Variants in GALNT2 observed in about 807,000 individuals in gnomAD.
GALNT2 encodes UDP-GalNAc:polypeptide N-acetylgalactosaminyltransferase 2.
In GALNT2, 31 loss-of-function variants were observed where a neutral mutation model predicts 81.4. The ratio of observed to expected loss-of-function variants is 0.38; its 90% CI spans 0.29 to 0.51. The LOEUF is 0.51. Ranked by LOEUF, GALNT2 falls within the 20% of genes least tolerant of loss-of-function variation. The pLI is 0.87. For synonymous variants in GALNT2, 303 were observed against 287.4 expected (o/e 1.05, Z -0.55); for missense variants, 629 against 765.7 (o/e 0.82, Z 2.11).
At chr1:230,181,173 T>C (rs1233162357) in intron 2 of GALNT2, among the ~76,000 whole-genome samples, 1 of 152,216 alleles carries the variant, frequency 6.6e-6, no homozygotes, top group Non-Finnish European at 1.5e-5. Flanking sequence ...GCCTTGTTCC[T>C]GATCTTAGTG....
chr1:230,229,320 T>C (rs1664805566), intron 3 of GALNT2, among the ~76,000 whole-genome samples: 1 of 152,242 alleles, frequency 6.6e-6, no homozygotes, highest in African/African-American at 2.4e-5. Flanking sequence ...TCCAGTCAGC[T>C]CCTAAGCATA....
At position 230,089,579 on chromosome 1, in the gene GALNT2, C is replaced by T. The variant is rs965541404; in HGVS notation, c.126+22173C>T. On this transcript the variant is annotated intron_variant, in intron 1 of 15. Transcript: ENST00000366672. ...AAAACAGTAACTCTCCATTCTCCCT[C>T]CCTGCAGCCACTGGCGGCCAGGGTT... Among the ~76,000 whole-genome samples the T allele has an allele frequency of 3.9e-5, 6 of 152,228 alleles. No homozygotes were observed. In the South Asian group the frequency reaches 6.2e-4, roughly 16 times the overall value.
intron 2 of GALNT2, among the ~76,000 whole-genome samples, chr1:230,185,105 G>T (rs582233): frequency 0.45 from 67,547 of 151,764 alleles, 16,505 homozygotes; most frequent in East Asian, 0.7. Flanking sequence ...TTTCCATTTC[G>T]CTGCTTACAT....
intron 2 of GALNT2, among the ~76,000 whole-genome samples, chr1:230,182,307 G>A (rs1663185816): frequency 6.6e-6 from 1 of 151,686 alleles, no homozygotes; most frequent in Non-Finnish European, 1.5e-5. Flanking sequence ...GTTTTTTCAA[G>A]TAGAATCTTA....
In GALNT2 at chr1:230,275,859, T is replaced by C. The variant is rs1447434478; in HGVS notation, c.1560+1295T>C. On this transcript the variant is annotated intron_variant, in intron 15 of 15. Coordinates refer to ENST00000366672, the MANE Select transcript of GALNT2 (RefSeq NM_004481.5). The surrounding 1 kb of genome is among the most constrained non-coding windows in gnomAD (Gnocchi z 5.5). ...CATGTATATACATGCCACATAGATA[T>C]ACATATATAAATGCCACAGATATAT... Among the ~76,000 whole-genome samples the C allele has an allele frequency of 1.3e-5, 2 of 151,192 alleles. No homozygotes were observed. Among genetic ancestry groups the C allele is most frequent in the Admixed American group, 6.6e-5 (1 of 15,142 alleles).
intron 9 of GALNT2, 111 bp downstream of exon 9, chr1:230,249,382 C>T (rs1665474429): frequency 1.2e-6 from 1 of 804,770 alleles, no homozygotes; most frequent in Non-Finnish European, 2.0e-6. Flanking sequence ...CACCTTCTGC[C>T]CTCCGGTTTC....
At chr1:230,082,995 G>C (rs1490582215) in intron 1 of GALNT2, among the ~76,000 whole-genome samples, 1 of 151,122 alleles carries the variant, frequency 6.6e-6, no homozygotes, top group Non-Finnish European at 1.5e-5. Flanking sequence ...GGATGAAACA[G>C]CAGGGAGCTG....
chr1:230,240,462 T>G (rs1460764908), intron 6 of GALNT2, among the ~76,000 whole-genome samples: 2 of 152,106 alleles, frequency 1.3e-5, no homozygotes, highest in East Asian at 1.9e-4. Flanking sequence ...CATGGTGGCA[T>G]GCGCCTGTAG....
At chr1:230,278,530 G>T (rs1445795348) in intron 15 of GALNT2, among the ~76,000 whole-genome samples, 3 of 152,128 alleles carry the variant, frequency 2.0e-5, no homozygotes, top group Non-Finnish European at 4.4e-5. Context: ...CGGGTATGTG[G>T]GTTGAGTTTG....
intron 1 of GALNT2, among the ~76,000 whole-genome samples, chr1:230,162,014 C>T (rs1259337750): frequency 6.6e-6 from 1 of 152,044 alleles, no homozygotes; most frequent in East Asian, 1.9e-4. Context: ...TAAGACTAAC[C>T]AGCAAAATTC....
At chr1:230,092,176 G>GTTTTTTTTTGTTTTTTTTTGTTTTTT (rs762299242) in intron 1 of GALNT2, 3 of 42,258 alleles carry the variant, frequency 7.1e-5, no homozygotes, top group South Asian at 8.9e-4. Context: ...TATTCCTTTA[G>GTTTTTTTTTGTTTTTTTTTGTTTTTT]TTTTTTTTTT....
At position 230,249,283 on chromosome 1, in the gene GALNT2, C is replaced by T. The variant is rs1218008949; in HGVS notation, c.905+12C>T. On this transcript the variant is annotated intron_variant, in intron 9 of 15. Transcript: ENST00000366672. ...GTCGCCCCTATAAAGTAAGTGCCAG[C>T]ATCCTTCAGGGTGCCCCTCCCAGAT... 1 of 1,612,830 alleles carries T rather than the reference C, an allele frequency of 6.2e-7. No individual in the cohort carries two copies. The highest frequency in any genetic ancestry group is 2.2e-5 in the East Asian group (1 of 44,840).
chr1:230,116,925 A>G (rs1054626753), intron 1 of GALNT2, among the ~76,000 whole-genome samples: 9 of 152,358 alleles, frequency 5.9e-5, no homozygotes, highest in African/African-American at 2.2e-4. Flanking sequence ...TTACAGGAGA[A>G]TCAGACTGTC....
At chr1:230,118,113 T>G (rs1660902577) in intron 1 of GALNT2, among the ~76,000 whole-genome samples, 1 of 152,256 alleles carries the variant, frequency 6.6e-6, no homozygotes. Flanking sequence ...TCAAATTGGC[T>G]TCTTTCACTT....
chr1:230,268,733 G>C (rs566333898), intron 14 of GALNT2, among the ~76,000 whole-genome samples: 3 of 152,322 alleles, frequency 2.0e-5, no homozygotes, highest in Admixed American at 1.3e-4. Flanking sequence ...CTTTGTCTGT[G>C]TAGCTGCTGC....
chr1:230,260,134 G>A (rs1665832316), intron 11 of GALNT2, among the ~76,000 whole-genome samples: 1 of 152,200 alleles, frequency 6.6e-6, no homozygotes, highest in Non-Finnish European at 1.5e-5. Context: ...AGTTTTGGAT[G>A]TTAGGACATT....
intron 1 of GALNT2, among the ~76,000 whole-genome samples, chr1:230,144,993 G>A (rs1025781603): frequency 1.3e-5 from 2 of 152,060 alleles, no homozygotes; most frequent in Non-Finnish European, 2.9e-5. Flanking sequence ...TCTCTTGCTT[G>A]GTAACCTACA....
At chr1:230,100,220 C>T (rs1364775238) in intron 1 of GALNT2, among the ~76,000 whole-genome samples, 1 of 151,832 alleles carries the variant, frequency 6.6e-6, no homozygotes, top group East Asian at 1.9e-4. Context: ...TCTCAAATGG[C>T]TCCATAGGAC....
At chr1:230,236,755 C>G in intron 6 of GALNT2, 30 bp downstream of exon 6, 2 of 1,585,050 alleles carry the variant, frequency 1.3e-6, no homozygotes, top group East Asian at 2.2e-5. Flanking sequence ...AGCGCCAAGA[C>G]AGTTGAATTC....
Sources: allele counts gnomAD v4.1 joint callset (sites outside exome capture counted in the v4.1 genomes callset), GRCh38; gene constraint gnomAD v4.1.1; non-coding constraint Gnocchi (gnomAD v3.1); transcripts MANE v1.5; gene names NCBI Gene and HGNC (gene_info 2026-07-23, HGNC 2026-07-21).